MYH11: variants seen among roughly 807,000 people sequenced by gnomAD.
MYH11 encodes myosin heavy chain 11.
In MYH11, 80 loss-of-function variants were observed where a neutral mutation model predicts 246.6. The observed-to-expected ratio is 0.32, with a 90% confidence interval of 0.27 to 0.39. MYH11 has a LOEUF of 0.39. Among genes scored for constraint, MYH11 ranks in the 10% least tolerant of loss-of-function variants. The pLI is 1.00. For missense variants in MYH11, 2,158 were observed against 2,546.8 expected (o/e 0.85, Z 3.29); for synonymous variants, 1,071 against 1,015.5 (o/e 1.05, Z -1.04).
chr16:15,704,247 G>T, intron 40 of MYH11, 124 bp from the exon 41 acceptor site: 1 of 1,064,604 alleles, frequency 9.4e-7, no homozygotes, highest in South Asian at 1.4e-5. Context: ...TTTTATGGCA[G>T]AAAACACACA....
At chr16:15,785,301 C>A (rs948335851) in intron 5 of MYH11, 1 of 152,008 alleles carries the variant, frequency 6.6e-6, no homozygotes, top group Non-Finnish European at 1.5e-5. Context: ...CATAGTAGGC[C>A]CTTGATAACG....
In MYH11 at chr16:15,705,549, C is replaced by G. The variant is rs554491114; in HGVS notation, c.5787-1426G>C. ...AATAATTATGTTGGGCTCTGGCCATCTGGCCCTGTTTGACCTGAATCGGAA... is the reference window on the plus strand; with the variant it reads ...AATAATTATGTTGGGCTCTGGCCATGTGGCCCTGTTTGACCTGAATCGGAA... On this transcript the variant is annotated intron_variant, in intron 40 of 40. Transcript: ENST00000300036. Among the ~76,000 whole-genome samples, 5 of 152,320 alleles carry G rather than the reference C, an allele frequency of 3.3e-5. No homozygotes were observed. The East Asian group carries it at 9.7e-4, about 29-fold the overall frequency.
At chr16:15,800,045 T>C (rs944890555) in intron 3 of MYH11, among the ~76,000 whole-genome samples, 25 of 148,766 alleles carry the variant, frequency 1.7e-4, no homozygotes, top group Non-Finnish European at 1.5e-5. Flanking sequence ...GGTGGATGAA[T>C]AGACAGATGG....
intron 16 of MYH11, among the ~76,000 whole-genome samples, chr16:15,748,654 C>T (rs1009836924): frequency 6.6e-6 from 1 of 152,162 alleles, no homozygotes; most frequent in African/African-American, 2.4e-5. Context: ...CCCATTCTGT[C>T]AGCCAGGCTG....
At chr16:15,812,497 A>G (rs1384830841) in intron 3 of MYH11, among the ~76,000 whole-genome samples, 3 of 136,748 alleles carry the variant, frequency 2.2e-5, no homozygotes, top group Non-Finnish European at 4.6e-5. Flanking sequence ...CAGGAGGATC[A>G]CTTGAGGCCA....
intron 1 of MYH11, among the ~76,000 whole-genome samples, chr16:15,838,614 C>A (rs1198768253): frequency 1.3e-5 from 2 of 152,166 alleles, no homozygotes; most frequent in Middle Eastern, 3.2e-3. Context: ...AAACCCAACA[C>A]TGTGGGAGGC....
chr16:15,805,085 C>T (rs1156716611), intron 3 of MYH11, among the ~76,000 whole-genome samples: 1 of 152,186 alleles, frequency 6.6e-6, no homozygotes, highest in African/African-American at 2.4e-5. Context: ...TAACTCTGCA[C>T]TTTTCTAGAG....
At position 15,838,254 on chromosome 16, in the gene MYH11, G is replaced by A. The variant is rs2043959162; in HGVS notation, c.-2C>T. 1.2e-6 allele frequency: 2 copies of A among 1,613,876 alleles called. No homozygotes were observed. The highest frequency in any genetic ancestry group is 1.1e-5 in the South Asian group (1 of 91,070). On this transcript the variant is annotated 5_prime_UTR_variant, in exon 2 of 41. Coordinates refer to ENST00000300036, the MANE Select transcript of MYH11 (RefSeq NM_002474.3). ...ACTGAGTTGGCCCTTCTGCGCCATG[G>A]TGCCTTGTTGGTCCCCTGTGGAATA...
intron 2 of MYH11, among the ~76,000 whole-genome samples, chr16:15,836,722 T>TC (rs1350411492): frequency 8.0e-6 from 1 of 125,590 alleles, no homozygotes; most frequent in Admixed American, 7.7e-5. Context: ...AATGTTTCTT[T>TC]TTTTTTTTTT....
chr16:15,737,340 C>A, intron 25 of MYH11, 109 bp downstream of exon 25: 1 of 1,477,866 alleles, frequency 6.8e-7, no homozygotes, highest in South Asian at 1.2e-5. Context: ...AAGTTCATGC[C>A]AAGGGCCTGG....
intron 3 of MYH11, among the ~76,000 whole-genome samples, chr16:15,813,190 T>TTG (rs1261800444): frequency 6.7e-6 from 1 of 148,804 alleles, no homozygotes; most frequent in Non-Finnish European, 1.5e-5. Context: ...CAAAAAACAG[T>TTG]TGTTTTTTTT....
At position 15,838,170 on chromosome 16, in the gene MYH11, G is replaced by A; in HGVS notation, c.83C>T (p.Ala28Val). The stretch of plus-strand genomic sequence containing the variant: ...GACGAGTCTCTTGGCGGCCCAGTCA[G>A]CCTGGGCCACTGGGCTGTTGATGAA... ...KNFINSPVAQADWAAKRLVWV... is the reference protein window; with the variant it reads ...KNFINSPVAQVDWAAKRLVWV... The change falls in exon 2 of 41, where the codon GCT becomes GTT. Residue 28 changes from alanine (A) to valine (V), a missense_variant. By Grantham distance (64) the Ala-to-Val change is moderately conservative (BLOSUM62 0). Around this residue, in one of 11 missense-constraint regions of MYH11, gnomAD observed 96 missense variants for 91.9 expected, o/e 1.04. Coordinates refer to ENST00000300036, the MANE Select transcript of MYH11 (RefSeq NM_002474.3). 1 of 1,614,132 alleles carries A rather than the reference G, an allele frequency of 6.2e-7. No individual in the cohort carries two copies. The highest frequency in any genetic ancestry group is 8.5e-7 in the Non-Finnish European group (1 of 1,180,016).
At chr16:15,704,227 T>C (rs1358546699) in intron 40 of MYH11, 104 bp from the exon 41 acceptor site, 1 of 1,412,014 alleles carries the variant, frequency 7.1e-7, no homozygotes, top group African/African-American at 1.5e-5. Flanking sequence ...CCTATTGCAA[T>C]ATAAATTTTT....
At chr16:15,766,299 T>C (rs1451945155) in intron 9 of MYH11, among the ~76,000 whole-genome samples, 1 of 151,986 alleles carries the variant, frequency 6.6e-6, no homozygotes, top group African/African-American at 2.4e-5. Context: ...TTTTTCTAGA[T>C]AATGGAAACC....
intron 3 of MYH11, among the ~76,000 whole-genome samples, chr16:15,804,950 A>C (rs1332273529): frequency 6.6e-6 from 1 of 152,224 alleles, no homozygotes; most frequent in African/African-American, 2.4e-5. Context: ...GCTATTCTGC[A>C]TAGTGCTGCT....
intron 28 of MYH11, 125 bp from the exon 29 acceptor site, chr16:15,725,117 G>T: frequency 1.4e-6 from 1 of 732,872 alleles, no homozygotes; most frequent in Non-Finnish European, 2.4e-6. Context: ...AAATACCCGT[G>T]AGGTATGGGA....
intron 28 of MYH11, chr16:15,726,137 T>C (rs2151222916): frequency 1.2e-5 from 2 of 160,444 alleles, no homozygotes; most frequent in East Asian, 3.6e-4. Flanking sequence ...CCCCTGGTTA[T>C]TTACACTTGG....
At chr16:15,724,839 G>C (rs753178827) in intron 29 of MYH11, 40 bp from the exon 30 acceptor site, 1 of 1,613,478 alleles carries the variant, frequency 6.2e-7, no homozygotes, top group African/African-American at 1.3e-5. Context: ...GACCTGCCCC[G>C]AGGAAGGCCA....
At position 15,730,572 on chromosome 16, in the gene MYH11, G is replaced by A. The variant is rs569769856; in HGVS notation, c.3651+1992C>T. On this transcript the variant is annotated intron_variant, in intron 27 of 40. Coordinates refer to ENST00000300036, the MANE Select transcript of MYH11 (RefSeq NM_002474.3). ...AAATAAACAAATAATCCAATCTTGG[G>A]TATTTCTGTAGAGCAGTGCAACAAC... 7.6e-4 allele frequency among the ~76,000 whole-genome samples: 115 copies of A among 152,070 alleles called. 1 individual carries two copies. The highest frequency in any genetic ancestry group is 6.2e-4 in the Non-Finnish European group (42 of 67,986).
Sources: allele counts gnomAD v4.1 joint callset (sites outside exome capture counted in the v4.1 genomes callset), GRCh38; gene constraint gnomAD v4.1.1; regional missense constraint gnomAD v4.1.1; transcripts MANE v1.5; gene names NCBI Gene and HGNC (gene_info 2026-07-23, HGNC 2026-07-21).